LAMA2: variants seen among roughly 807,000 people sequenced by gnomAD.
The protein encoded by LAMA2 is laminin subunit alpha 2, also known as laminin subunit alpha-2.
Under a neutral mutation model 364.8 loss-of-function variants are expected in LAMA2, and 269 were observed. That is an observed-to-expected ratio of 0.74 (90% CI 0.67 to 0.82). LAMA2 has a LOEUF of 0.82. Among genes scored for constraint, LAMA2 ranks in the 40% least tolerant of loss-of-function variants. The pLI, the probability that LAMA2 is intolerant of heterozygous loss-of-function variation, is 0.00. For missense variants in LAMA2, 3,807 were observed against 3,873.2 expected, an observed-to-expected ratio of 0.98 and a Z score of 0.45; for synonymous variants, 1,379 against 1,370.6, an observed-to-expected ratio of 1.01 and a Z score of -0.14.
chr6:129,307,113 C>T (rs1011814002), intron 22 of LAMA2, among the ~76,000 whole-genome samples: 88 of 152,144 alleles, frequency 5.8e-4, no homozygotes, highest in Non-Finnish European at 1.0e-3. Flanking sequence ...TAGGTAGTCA[C>T]GGGTCACTTG....
At chr6:129,361,976 G>A (rs908274308) in intron 32 of LAMA2, among the ~76,000 whole-genome samples, 2 of 151,760 alleles carry the variant, frequency 1.3e-5, no homozygotes, top group African/African-American at 4.8e-5. Context: ...TAGAGATGGG[G>A]TTTCACCATG....
At chr6:129,153,511 A>T (rs1778934388) in intron 7 of LAMA2, among the ~76,000 whole-genome samples, 1 of 152,188 alleles carries the variant, frequency 6.6e-6, no homozygotes, top group Non-Finnish European at 1.5e-5. Flanking sequence ...ACCGGGTAGG[A>T]TGTGAAGAGA....
chr6:129,043,232 T>C (rs1017609195), intron 1 of LAMA2, among the ~76,000 whole-genome samples: 4 of 152,190 alleles, frequency 2.6e-5, no homozygotes, highest in Non-Finnish European at 5.9e-5. Flanking sequence ...TAGGTCCAGT[T>C]ACTGTGATCT....
intron 1 of LAMA2, among the ~76,000 whole-genome samples, chr6:129,011,929 C>A (rs1348841568): frequency 2.0e-5 from 3 of 152,060 alleles, no homozygotes; most frequent in Non-Finnish European, 4.4e-5. Flanking sequence ...ATTGTAGAAG[C>A]AAGAAGGGGT....
At chr6:129,069,701 T>C (rs1773177741) in intron 3 of LAMA2, among the ~76,000 whole-genome samples, 1 of 148,424 alleles carries the variant, frequency 6.7e-6, no homozygotes, top group Admixed American at 6.8e-5. Flanking sequence ...AATGTGTTAG[T>C]ACATAGAACT....
At chr6:129,507,337 G>T in intron 61 of LAMA2, 152 bp from the exon 62 acceptor site, 3 of 767,052 alleles carry the variant, frequency 3.9e-6, no homozygotes, top group Non-Finnish European at 6.8e-6. Context: ...AGGCCTGGTG[G>T]TAACAGAGAA....
At chr6:129,318,967 T>C (rs1231567224) in intron 27 of LAMA2, among the ~76,000 whole-genome samples, 1 of 152,226 alleles carries the variant, frequency 6.6e-6, no homozygotes, top group Non-Finnish European at 1.5e-5. Flanking sequence ...GTTTATGGAC[T>C]ACATTTATTT....
At chr6:129,448,196 G>T (rs1475396437) in intron 45 of LAMA2, among the ~76,000 whole-genome samples, 1 of 151,872 alleles carries the variant, frequency 6.6e-6, no homozygotes, top group Non-Finnish European at 1.5e-5. Flanking sequence ...GAGGTGGGAG[G>T]ATCACTTGCT....
chr6:129,279,828 A>G (rs1374088521), intron 17 of LAMA2, among the ~76,000 whole-genome samples: 1 of 152,178 alleles, frequency 6.6e-6, no homozygotes, highest in Non-Finnish European at 1.5e-5. Flanking sequence ...AAAGTCAGTT[A>G]ATAACATGTC....
chr6:128,985,689 C>A (rs764748755), intron 1 of LAMA2, among the ~76,000 whole-genome samples: 11 of 151,394 alleles, frequency 7.3e-5, no homozygotes, highest in Non-Finnish European at 1.5e-4. Flanking sequence ...TTTTTTTTTT[C>A]ATCTGTAACC....
chr6:129,267,256 G>T lies in LAMA2; in HGVS notation c.2322+37G>T, dbSNP rs751454301. ...CTTCTTTGGGGATGCTGATTGACAA[G>T]GCTGAAATCACCTCGACAGATGCTA... On this transcript the variant is annotated intron_variant, in intron 16 of 64. Transcript: ENST00000421865. 2.2e-6 allele frequency: 3 copies of T among 1,349,920 alleles called. No individual in the cohort carries two copies. The South Asian group carries it at 3.5e-5, about 16-fold the overall frequency. The allele number at this position is 1,349,920 out of a possible 1,614,324, so 83.6% of individuals were successfully genotyped here.
intron 1 of LAMA2, among the ~76,000 whole-genome samples, chr6:128,917,929 C>T (rs9492136): frequency 0.13 from 19,898 of 151,458 alleles, 1,680 homozygotes; most frequent in African/African-American, 0.24. Flanking sequence ...AAAGATGGTA[C>T]TTTGCCATGT....
chr6:129,416,788 G>A (rs1006369917), intron 40 of LAMA2, among the ~76,000 whole-genome samples: 6 of 150,730 alleles, frequency 4.0e-5, no homozygotes, highest in African/African-American at 1.5e-4. Context: ...ACCTGCCAAG[G>A]GTGATTCAGG....
At chr6:129,477,406 G>A (rs1784119503) in intron 53 of LAMA2, among the ~76,000 whole-genome samples, 1 of 152,122 alleles carries the variant, frequency 6.6e-6, no homozygotes, top group Non-Finnish European at 1.5e-5. Flanking sequence ...TTTGTTTGTT[G>A]AGCACTTACT....
At chr6:129,361,397 A>T (rs1435434674) in intron 32 of LAMA2, among the ~76,000 whole-genome samples, 1 of 152,238 alleles carries the variant, frequency 6.6e-6, no homozygotes, top group Non-Finnish European at 1.5e-5. Context: ...CGATTGTATC[A>T]GTTATACATT....
chr6:129,274,610 G>C (rs1032623933), intron 17 of LAMA2, among the ~76,000 whole-genome samples: 1 of 151,776 alleles, frequency 6.6e-6, no homozygotes, highest in Non-Finnish European at 1.5e-5. Context: ...AGATAGATTG[G>C]TATAATTATT....
At chr6:129,268,513 G>T (rs1257287303) in intron 16 of LAMA2, among the ~76,000 whole-genome samples, 1 of 151,948 alleles carries the variant, frequency 6.6e-6, no homozygotes, top group Admixed American at 6.6e-5. Flanking sequence ...AATTCATTAG[G>T]ATAAAATCAA....
At chr6:129,263,336 G>C (rs1486899444) in intron 15 of LAMA2, among the ~76,000 whole-genome samples, 1 of 152,106 alleles carries the variant, frequency 6.6e-6, no homozygotes, top group Non-Finnish European at 1.5e-5. Flanking sequence ...ATTCTATGAA[G>C]GAAATAAACA....
intron 35 of LAMA2, among the ~76,000 whole-genome samples, chr6:129,387,817 C>A (rs1315909086): frequency 6.6e-6 from 1 of 152,214 alleles, no homozygotes; most frequent in Non-Finnish European, 1.5e-5. Context: ...AAACCAAACA[C>A]CACATGTTCT....
Sources: allele counts gnomAD v4.1 joint callset (sites outside exome capture counted in the v4.1 genomes callset), GRCh38; gene constraint gnomAD v4.1.1; transcripts MANE v1.5; gene names NCBI Gene and HGNC (gene_info 2026-07-23, HGNC 2026-07-21).